PLA2G2C: variants seen among roughly 807,000 people sequenced by gnomAD.
PLA2G2C encodes the protein putative inactive group IIC secretory phospholipase A2.
A neutral mutation model predicts 14.3 loss-of-function variants in PLA2G2C; 15 were observed. That is an observed-to-expected ratio of 1.05 (90% CI 0.70 to 1.62). The LOEUF (loss-of-function observed/expected upper bound fraction) is 1.62. PLA2G2C is among the 40% of genes most tolerant of loss of function. The pLI, the probability that PLA2G2C is intolerant of heterozygous loss-of-function variation, is 0.00. For missense variants in PLA2G2C, 162 were observed against 173.2 expected (o/e 0.94, Z 0.36); for synonymous variants, 79 against 67.7 (o/e 1.17, Z -0.82).
chr1:20,185,696 G>A lies in PLA2G2C; in HGVS notation c.-77+664C>T, dbSNP rs140034918. Among the ~76,000 whole-genome samples the A allele has an allele frequency of 1.8e-3, 273 of 152,206 alleles. 1 individual carries two copies. Among genetic ancestry groups the A allele is most frequent in the African/African-American group, 6.3e-3 (262 of 41,532 alleles). Reference sequence around the variant, plus strand: ...GCATCCACTCAGAGTTTAGGGTTCCGAGAATCCATCAGTCCCACAGCCTCA... The same window carrying A: ...GCATCCACTCAGAGTTTAGGGTTCCAAGAATCCATCAGTCCCACAGCCTCA... On this transcript the variant is annotated intron_variant, in intron 1 of 4. Transcript: ENST00000679259.
At chr1:20,167,272 G>A (rs1275347887) in intron 4 of PLA2G2C, among the ~76,000 whole-genome samples, 3 of 152,240 alleles carry the variant, frequency 2.0e-5, no homozygotes, top group Admixed American at 1.3e-4. Context: ...CAATAAGCAC[G>A]TGTCCACCTG....
At chr1:20,180,605 C>T (rs1261409814) in intron 1 of PLA2G2C, among the ~76,000 whole-genome samples, 1 of 152,232 alleles carries the variant, frequency 6.6e-6, no homozygotes, top group Non-Finnish European at 1.5e-5. Context: ...CCTGCCTAGA[C>T]CTCTTGTTCG....
chr1:20,182,063 G>A (rs1292717457), intron 1 of PLA2G2C, among the ~76,000 whole-genome samples: 2 of 152,174 alleles, frequency 1.3e-5, no homozygotes, highest in Admixed American at 6.5e-5. Flanking sequence ...AAAATACTTG[G>A]TCAACAGTAG....
intron 4 of PLA2G2C, among the ~76,000 whole-genome samples, chr1:20,166,199 A>G (rs1384480734): frequency 1.3e-5 from 2 of 152,202 alleles, no homozygotes; most frequent in Non-Finnish European, 2.9e-5. Context: ...GCCTGCAGTC[A>G]GTCTGTTTGC....
chr1:20,164,606 G>A (rs2017942654), intron 4 of PLA2G2C, among the ~76,000 whole-genome samples: 1 of 152,180 alleles, frequency 6.6e-6, no homozygotes, highest in Non-Finnish European at 1.5e-5. Context: ...AGGGTGATGG[G>A]AGCATTTTCC....
chr1:20,164,121 C>A lies in PLA2G2C; in HGVS notation c.320G>T (p.Cys107Phe), dbSNP rs767236098. 1 of 1,613,476 alleles carries A rather than the reference C, an allele frequency of 6.2e-7. No homozygotes were observed. Residue 107 changes from cysteine (C) to phenylalanine (F), a missense_variant, in exon 5 of 5, where the codon TGC (cysteine) becomes TTC (phenylalanine). Cys to Phe is a radical substitution (Grantham distance 205). Coordinates refer to ENST00000679259, the MANE Select transcript of PLA2G2C (RefSeq NM_001367969.2). ...CTLGPGASCHCRLKACECDKQ... is the reference protein window; with the variant it reads ...CTLGPGASCHFRLKACECDKQ... The stretch of plus-strand genomic sequence containing the variant: ...GTCACACTCACAGGCCTTCAGCCTG[C>A]AGTGGCAGCTGGCACCAGGACCAAG...
rs975629757 is a variant in PLA2G2C at position 20,172,846 on chromosome 1, G to A, written c.231C>T (p.Cys77=). The change falls in exon 4 of 5, where the codon TGC becomes TGT. Residue 77 remains cysteine, a synonymous_variant. Coordinates refer to ENST00000679259, the MANE Select transcript of PLA2G2C (RefSeq NM_001367969.2). The part of the protein sequence containing the change: ...SPYEKLKEFS[C]QPVLNSYQFH... ...ACTGGTAGCTGTTCAACACAGGCTG[G>A]CAGCTGAACTCCTTCAGCTTCTCGT... 1.2e-6 allele frequency: 2 copies of A among 1,613,768 alleles called. No individual in the cohort carries two copies. Among genetic ancestry groups the A allele is most frequent in the Non-Finnish European group, 8.5e-7 (1 of 1,179,860 alleles).
rs80279948 is a variant in PLA2G2C at position 20,180,138 on chromosome 1, C to T, written c.-76-2699G>A. 1.1e-4 allele frequency among the ~76,000 whole-genome samples: 16 copies of T among 152,310 alleles called. No individual in the cohort carries two copies. In the South Asian group the frequency reaches 3.3e-3, roughly 32 times the overall value. On this transcript the variant is annotated intron_variant, in intron 1 of 4. Coordinates refer to ENST00000679259, the MANE Select transcript of PLA2G2C (RefSeq NM_001367969.2). ...CTATGTCAGCTTCTCCCTTGCATGTCAGCTTCTCCCTCTCCCCATTCTTCC... is the reference window on the plus strand; with the variant it reads ...CTATGTCAGCTTCTCCCTTGCATGTTAGCTTCTCCCTCTCCCCATTCTTCC...
chr1:20,172,699 T>G, intron 4 of PLA2G2C, 95 bp downstream of exon 4: 23 of 1,074,572 alleles, frequency 2.1e-5, no homozygotes, highest in Non-Finnish European at 3.0e-5. Flanking sequence ...CTTGGAAGCA[T>G]TTCATTTTCT....
Position 20,164,110 on chromosome 1 carries a change from C to T in PLA2G2C, c.331G>A (p.Ala111Thr). 3 of 1,613,848 alleles carry T rather than the reference C, an allele frequency of 1.9e-6. No homozygotes were observed. Among genetic ancestry groups the T allele is most frequent in the South Asian group, 2.2e-5 (2 of 91,060 alleles). The change falls in exon 5 of 5, where the codon GCC (alanine) becomes ACC (threonine). Residue 111 changes from alanine to threonine, a missense_variant. Transcript: ENST00000679259. The stretch of plus-strand genomic sequence containing the variant: ...ACGGATTGCTTGTCACACTCACAGG[C>T]CTTCAGCCTGCAGTGGCAGCTGGCA... ...PGASCHCRLK[A>T]CECDKQSVHC...
chr1:20,183,489 A>G (rs760154994), intron 1 of PLA2G2C, among the ~76,000 whole-genome samples: 5 of 152,264 alleles, frequency 3.3e-5, no homozygotes, highest in East Asian at 3.9e-4. Flanking sequence ...ACCAGGGGGA[A>G]CCCTGAGGCT....
chr1:20,168,367 C>T lies in PLA2G2C; in HGVS notation c.284-4210G>A, dbSNP rs150164565. Among the ~76,000 whole-genome samples the T allele has an allele frequency of 4.4e-3, 671 of 152,324 alleles. 5 individuals are homozygous for T. Among genetic ancestry groups the T allele is most frequent in the South Asian group, 0.015 (70 of 4,826 alleles). ...GGGCACAGGTGCAAGCCAGCAGACC[C>T]CACACTGCTTAGTCCAGGGGCATCA... On this transcript the variant is annotated intron_variant, in intron 4 of 4. Coordinates refer to ENST00000679259, the MANE Select transcript of PLA2G2C (RefSeq NM_001367969.2).
Position 20,173,143 on chromosome 1 carries a change from T to A in PLA2G2C, c.180-246A>T, listed in dbSNP as rs1262566095. 2.1e-5 allele frequency among the ~76,000 whole-genome samples: 3 copies of A among 142,272 alleles called. No individual in the cohort carries two copies. In the East Asian group the frequency reaches 6.1e-4, roughly 29 times the overall value. 93.3% of individuals were successfully genotyped at this position (142,272 alleles called of 152,430 possible). ...GGGCAACATAGGGAGACCGCCTATG[T>A]TTTTTAAGTTTAAAAAAAAAAAAAA... On this transcript the variant is annotated intron_variant, in intron 3 of 4. Transcript: ENST00000679259.
intron 4 of PLA2G2C, among the ~76,000 whole-genome samples, chr1:20,165,605 C>T (rs548243100): frequency 6.6e-6 from 1 of 152,326 alleles, no homozygotes; most frequent in East Asian, 1.9e-4. Flanking sequence ...TTGGCCGAGT[C>T]ACCACTAGAT....
intron 1 of PLA2G2C, chr1:20,184,505 C>G (rs1055720651): frequency 1.3e-5 from 2 of 152,248 alleles, no homozygotes. Context: ...AAAGAAGAGG[C>G]CTGGCCCAGA....
intron 2 of PLA2G2C, among the ~76,000 whole-genome samples, chr1:20,177,053 G>A (rs746398521): frequency 2.0e-5 from 3 of 152,170 alleles, no homozygotes; most frequent in Non-Finnish European, 2.9e-5. Flanking sequence ...TGAGGGTGAG[G>A]GGGGTAAAAT....
intron 1 of PLA2G2C, among the ~76,000 whole-genome samples, chr1:20,178,778 G>C (rs890362357): frequency 2.0e-5 from 3 of 152,216 alleles, no homozygotes; most frequent in Non-Finnish European, 2.9e-5. Flanking sequence ...CACCAACTAT[G>C]AGCTCTTCTA....
At chr1:20,181,058 G>T (rs543166831) in intron 1 of PLA2G2C, among the ~76,000 whole-genome samples, 1 of 152,170 alleles carries the variant, frequency 6.6e-6, no homozygotes, top group Non-Finnish European at 1.5e-5. Context: ...TACTACCCAC[G>T]ATGATGGCTA....
chr1:20,168,841 T>C (rs1398179819), intron 4 of PLA2G2C, among the ~76,000 whole-genome samples: 2 of 152,184 alleles, frequency 1.3e-5, no homozygotes, highest in Non-Finnish European at 2.9e-5. Flanking sequence ...CAAGTACTTA[T>C]GTAAGCCCAC....
Sources: gnomAD v4.1 joint callset for allele counts (sites outside exome capture counted in the v4.1 genomes callset) on GRCh38, gnomAD v4.1.1 for gene constraint, MANE v1.5 for transcripts, NCBI Gene and HGNC (gene_info 2026-07-23, HGNC 2026-07-21) for gene names.